ARHGAP15: variants seen among roughly 807,000 people sequenced by gnomAD.
The protein encoded by ARHGAP15 is Rho GTPase activating protein 15, also known as rho GTPase-activating protein 15.
ARHGAP15 carries 51 observed loss-of-function variants against 63.7 expected under a neutral mutation model. That is an observed-to-expected ratio of 0.80 (90% confidence interval 0.64 to 1.01). The LOEUF (loss-of-function observed/expected upper bound fraction) is 1.01, where lower values mean the gene tolerates loss of function less well. Among genes scored for constraint, ARHGAP15 ranks in the 50% least tolerant of loss-of-function variants. The pLI, the probability that ARHGAP15 is intolerant of heterozygous loss-of-function variation, is 0.00. For missense variants in ARHGAP15, 560 were observed against 564.6 expected (o/e 0.99, Z 0.08); for synonymous variants, 191 against 193.8 (o/e 0.99, Z 0.12).
intron 13 of ARHGAP15, among the ~76,000 whole-genome samples, chr2:143,727,345 G>A (rs1009926225): frequency 5.3e-5 from 8 of 152,130 alleles, no homozygotes; most frequent in African/African-American, 1.9e-4. Flanking sequence ...AGTCAATCCT[G>A]CACTTTGGTA....
intron 6 of ARHGAP15, among the ~76,000 whole-genome samples, chr2:143,319,719 T>C (rs1177504972): frequency 6.6e-6 from 1 of 152,242 alleles, no homozygotes; most frequent in East Asian, 1.9e-4. Flanking sequence ...CAAAGTATTA[T>C]CTTCCTAATT....
intron 12 of ARHGAP15, among the ~76,000 whole-genome samples, chr2:143,697,332 T>G (rs1574854556): frequency 6.6e-6 from 1 of 152,158 alleles, no homozygotes; most frequent in South Asian, 2.1e-4. Context: ...GAAAGAAATA[T>G]GTTTTAAGGG....
intron 9 of ARHGAP15, among the ~76,000 whole-genome samples, chr2:143,489,392 CTATGTA>C (rs1692475758): frequency 6.6e-6 from 1 of 152,136 alleles, no homozygotes; most frequent in Admixed American, 6.5e-5. Context: ...TATGGAAAAT[CTATGTA>C]AAATTCTGAT....
intron 6 of ARHGAP15, among the ~76,000 whole-genome samples, chr2:143,271,926 T>A (rs1007903344): frequency 1.3e-5 from 2 of 152,262 alleles, no homozygotes; most frequent in African/African-American, 4.8e-5. Context: ...TAAATTGAAA[T>A]GTATTTTAAT....
rs533460819 is a variant in ARHGAP15, at chr2:143,479,011, C to T, written c.704-8362C>T. On this transcript the variant is annotated intron_variant, in intron 8 of 13. Coordinates refer to ENST00000295095, the MANE Select transcript of ARHGAP15 (RefSeq NM_018460.4). ...GAAGCCTCAAAATTACTATATGTTA[C>T]TCCCCTCTATACCTGCTGAGAATGT... Among the ~76,000 whole-genome samples the T allele has an allele frequency of 1.4e-4, 21 of 152,310 alleles. No homozygotes were observed. The South Asian group carries it at 1.5e-3, about 11-fold the overall frequency.
At chr2:143,144,481 AG>A (rs1189093531) in intron 1 of ARHGAP15, among the ~76,000 whole-genome samples, 1 of 152,058 alleles carries the variant, frequency 6.6e-6, no homozygotes, top group Non-Finnish European at 1.5e-5. Flanking sequence ...AAAAGTAAAA[AG>A]CACTCTTGCA....
chr2:143,194,665 T>A (rs1691818076), intron 2 of ARHGAP15, among the ~76,000 whole-genome samples: 1 of 151,772 alleles, frequency 6.6e-6, no homozygotes, highest in South Asian at 2.1e-4. Flanking sequence ...AAAATTGTGG[T>A]ATGTCCAGGT....
At chr2:143,454,535 GAAAGGCCTTAGACAGA>G (rs1458328924) in intron 8 of ARHGAP15, among the ~76,000 whole-genome samples, 1 of 151,964 alleles carries the variant, frequency 6.6e-6, no homozygotes, top group Middle Eastern at 3.2e-3. Context: ...AGATAGAAAG[GAAAGGCCTTAGACAGA>G]ATTATAATAA....
At chr2:143,193,521 T>G (rs992528223) in intron 2 of ARHGAP15, 1 of 152,640 alleles carries the variant, frequency 6.6e-6, no homozygotes, top group Non-Finnish European at 1.5e-5. Context: ...TCTGAAAATC[T>G]CAAAGAATAA....
intron 11 of ARHGAP15, among the ~76,000 whole-genome samples, chr2:143,566,686 C>T (rs1696238109): frequency 6.6e-6 from 1 of 152,056 alleles, no homozygotes; most frequent in South Asian, 2.1e-4. Flanking sequence ...GGGGCTTTTG[C>T]ATTTGCTCCT....
intron 9 of ARHGAP15, among the ~76,000 whole-genome samples, chr2:143,504,032 A>T (rs1016040575): frequency 8.5e-5 from 13 of 152,284 alleles, no homozygotes; most frequent in African/African-American, 3.1e-4. Flanking sequence ...TGCTTTTATC[A>T]TTTTATGGTC....
At chr2:143,287,490 G>C (rs111823182) in intron 6 of ARHGAP15, among the ~76,000 whole-genome samples, 1 of 151,890 alleles carries the variant, frequency 6.6e-6, no homozygotes, top group Non-Finnish European at 1.5e-5. Flanking sequence ...ATGGGCTCTC[G>C]GGGGCCTCTG....
chr2:143,541,830 C>A (rs573104657), intron 10 of ARHGAP15, among the ~76,000 whole-genome samples: 1 of 152,314 alleles, frequency 6.6e-6, no homozygotes, highest in East Asian at 1.9e-4. Context: ...AGTCAGGGAC[C>A]CACTTGAGGA....
At chr2:143,612,128 T>C (rs1229019288) in intron 11 of ARHGAP15, among the ~76,000 whole-genome samples, 1 of 152,226 alleles carries the variant, frequency 6.6e-6, no homozygotes, top group Non-Finnish European at 1.5e-5. Flanking sequence ...CCATTTAATC[T>C]ATTAGCATAA....
chr2:143,250,486 TCTTA>T (rs750868772), intron 5 of ARHGAP15, 21 bp from the exon 6 acceptor site: 1 of 1,584,262 alleles, frequency 6.3e-7, no homozygotes, highest in Non-Finnish European at 8.7e-7. Context: ...ATCCTCTTAT[TCTTA>T]CTTCATTTTT....
intron 13 of ARHGAP15, among the ~76,000 whole-genome samples, chr2:143,726,071 G>A (rs772557458): frequency 2.6e-5 from 4 of 152,138 alleles, no homozygotes; most frequent in Non-Finnish European, 5.9e-5. Flanking sequence ...GGTGTTTAAG[G>A]CATTTAATAT....
At chr2:143,559,796 G>T (rs1307760566) in intron 11 of ARHGAP15, among the ~76,000 whole-genome samples, 2 of 152,190 alleles carry the variant, frequency 1.3e-5, no homozygotes, top group African/African-American at 4.8e-5. Flanking sequence ...AACTGGCAAT[G>T]CAGGGAAAAT....
At chr2:143,715,517 C>A (rs1263963469) in intron 13 of ARHGAP15, among the ~76,000 whole-genome samples, 1 of 152,140 alleles carries the variant, frequency 6.6e-6, no homozygotes, top group Non-Finnish European at 1.5e-5. Context: ...TTCATCCTGA[C>A]AAACAAGCAG....
At chr2:143,199,492 A>G (rs918064049) in intron 2 of ARHGAP15, among the ~76,000 whole-genome samples, 4 of 152,072 alleles carry the variant, frequency 2.6e-5, no homozygotes, top group African/African-American at 9.7e-5. Flanking sequence ...GTTTCCCCAC[A>G]TGGTGATTCA....
Sources: gnomAD v4.1 joint callset for allele counts (sites outside exome capture counted in the v4.1 genomes callset) on GRCh38, gnomAD v4.1.1 for gene constraint, MANE v1.5 for transcripts, NCBI Gene and HGNC (gene_info 2026-07-23, HGNC 2026-07-21) for gene names.